Variants in FTCD observed in about 807,000 individuals in gnomAD.
FTCD encodes the protein formimidoyltransferase cyclodeaminase.
In FTCD, 76 loss-of-function variants were observed where a neutral mutation model predicts 62.9. That is an observed-to-expected ratio of 1.21 (90% CI 1.00 to 1.46). The LOEUF is 1.46. Among genes scored for constraint, FTCD ranks in the 40% most tolerant of loss-of-function variants. The pLI, the probability that FTCD is intolerant of heterozygous loss-of-function variation, is 0.00. For synonymous variants in FTCD, 397 were observed against 336.9 expected (o/e 1.18, Z -1.95); for missense variants, 845 against 751.3 (o/e 1.12, Z -1.46).
At position 46,145,807 on chromosome 21, in the gene FTCD, C is replaced by G. The variant is rs2079132036; in HGVS notation, c.1098+11G>C. On this transcript the variant is annotated intron_variant, in intron 9 of 13. Coordinates refer to ENST00000397746, the MANE Select transcript of FTCD (RefSeq NM_206965.2). The stretch of plus-strand genomic sequence containing the variant: ...CAACTGCGCCTCCCCTGCCCCTCCC[C>G]CCGCGCTCACCATGGCCGCAGCGGC... 1.3e-6 allele frequency: 1 copy of G among 756,226 alleles called. No homozygotes were observed. 46.8% of individuals were successfully genotyped at this position (756,226 alleles called of 1,614,324 possible). A position where few individuals can be genotyped will look rare whatever the true frequency, so the allele number is the denominator to read the frequency against.
chr21:46,152,332 G>A (rs2079310136), intron 3 of FTCD: 1 of 263,744 alleles, frequency 3.8e-6, no homozygotes, highest in Admixed American at 4.9e-5. Flanking sequence ...GCAGAGAAGA[G>A]GAAAAACTCG....
chr21:46,152,723 CG>C lies in FTCD; in HGVS notation c.367+183del. 3 of 570,840 alleles carry C rather than the reference CG, an allele frequency of 5.3e-6. 1 individual carries two copies. In the South Asian group the frequency reaches 7.8e-5, roughly 15 times the overall value. 35.4% of individuals were successfully genotyped at this position (570,840 alleles called of 1,614,324 possible). A position where few individuals can be genotyped will look rare whatever the true frequency, so the allele number is the denominator to read the frequency against. The stretch of plus-strand genomic sequence containing the variant: ...AGTCTGAGGAGGCCCCGGGCCTGCA[CG>C]GCCGCAGGCGAGGCTGCGTTTATTT... On this transcript the variant is annotated intron_variant, in intron 3 of 13. Transcript: ENST00000397746.
In FTCD at chr21:46,151,813, G is replaced by A. The variant is rs2079286023; in HGVS notation, c.457-76C>T. The A allele has an allele frequency of 3.7e-5, 59 of 1,575,998 alleles. No homozygotes were observed. The South Asian group carries it at 6.5e-4, about 17-fold the overall frequency. ...CCCCCCGGGGTCCCGGGAAGGAGGGGCCCGGCCCAGCCACCCCAGCCAGGA... is the reference window on the plus strand; with the variant it reads ...CCCCCCGGGGTCCCGGGAAGGAGGGACCCGGCCCAGCCACCCCAGCCAGGA... On this transcript the variant is annotated intron_variant, in intron 4 of 13. Coordinates refer to ENST00000397746, the MANE Select transcript of FTCD (RefSeq NM_206965.2).
chr21:46,143,425 A>G (rs1446611701), intron 10 of FTCD, among the ~76,000 whole-genome samples: 1 of 149,672 alleles, frequency 6.7e-6, no homozygotes, highest in African/African-American at 2.4e-5. Flanking sequence ...CAAGAGACCG[A>G]GGGCACGAGC....
intron 7 of FTCD, 87 bp from the exon 8 acceptor site, chr21:46,146,414 C>T (rs936924739): frequency 1.3e-4 from 118 of 892,696 alleles, no homozygotes; most frequent in Admixed American, 2.8e-4. Flanking sequence ...ACCCTTGCGG[C>T]AGCCGCCCCC....
intron 7 of FTCD, 39 bp from the exon 8 acceptor site, chr21:46,146,366 T>A (rs778890059): frequency 1.4e-6 from 2 of 1,426,052 alleles, no homozygotes; most frequent in Non-Finnish European, 1.9e-6. Flanking sequence ...CCTCGGCGCG[T>A]CTCCACCACC....
At chr21:46,143,777 T>A (rs2123512478) in intron 10 of FTCD, among the ~76,000 whole-genome samples, 4 of 152,254 alleles carry the variant, frequency 2.6e-5, no homozygotes, top group Admixed American at 2.6e-4. Flanking sequence ...AAGAAAAGCA[T>A]CCGCTACTTA....
At chr21:46,145,183 G>A (rs1230608935) in intron 10 of FTCD, among the ~76,000 whole-genome samples, 1 of 152,224 alleles carries the variant, frequency 6.6e-6, no homozygotes, top group East Asian at 1.9e-4. Flanking sequence ...GCCATGGCCT[G>A]TGAATGTGGG....
At chr21:46,153,218 G>A (rs955094054) in intron 2 of FTCD, among the ~76,000 whole-genome samples, 183 bp from the exon 3 acceptor site, 14 of 152,194 alleles carry the variant, frequency 9.2e-5, no homozygotes, top group African/African-American at 9.7e-5. Flanking sequence ...CTGCCCCAGC[G>A]GCAGCACCAG....
At chr21:46,139,189 A>G (rs1258386765) in intron 10 of FTCD, 2 of 551,484 alleles carry the variant, frequency 3.6e-6, no homozygotes, top group Non-Finnish European at 6.5e-6. Flanking sequence ...CCTTATTCTC[A>G]GCTAAAGAGC....
At position 46,150,381 on chromosome 21, in the gene FTCD, G is replaced by C. The variant is rs770406729; in HGVS notation, c.774+7C>G. On this transcript the variant is annotated splice_region_variant and intron_variant, in intron 6 of 13. Transcript: ENST00000397746. The stretch of plus-strand genomic sequence containing the variant: ...CTCACAGCAGCAGCGGCTGCTCCCG[G>C]GCTCACCTGTGCTTCTCGGCAGGTC... 4.3e-6 allele frequency: 7 copies of C among 1,612,632 alleles called. No individual in the cohort carries two copies. The highest frequency in any genetic ancestry group is 5.1e-6 in the Non-Finnish European group (6 of 1,179,950).
chr21:46,145,975 C>A (rs2079138371), intron 8 of FTCD, 28 bp from the exon 9 acceptor site: 2 of 1,384,220 alleles, frequency 1.4e-6, no homozygotes, highest in South Asian at 1.4e-5. Flanking sequence ...CTCAGCGGGT[C>A]TGGCCGGGGT....
intron 7 of FTCD, among the ~76,000 whole-genome samples, chr21:46,149,650 G>T (rs974826392): frequency 6.6e-6 from 1 of 152,206 alleles, no homozygotes; most frequent in Non-Finnish European, 1.5e-5. Context: ...AGGACCTGAG[G>T]CCCCGGTGGA....
intron 8 of FTCD, 143 bp from the exon 9 acceptor site, chr21:46,146,090 G>T: frequency 1.4e-6 from 1 of 713,232 alleles, no homozygotes; most frequent in South Asian, 1.8e-5. Flanking sequence ...ACCCGGCCGG[G>T]GTCTCTGTGC....
In FTCD at chr21:46,146,451, G is replaced by A. The variant is rs770045334; in HGVS notation, c.907-124C>T. 246 of 730,748 alleles carry A rather than the reference G, an allele frequency of 3.4e-4. 1 individual carries two copies. The highest frequency in any genetic ancestry group is 5.2e-4 in the Non-Finnish European group (210 of 407,442). 45.3% of individuals were successfully genotyped at this position (730,748 alleles called of 1,614,324 possible). ...GCCCCGAGCACACAGGTGCTTTTGC[G>A]GGGAGCAGGGCAGGGGCGTGGCTGG... On this transcript the variant is annotated intron_variant, in intron 7 of 13. Transcript: ENST00000397746.
chr21:46,148,175 A>G (rs1368148888), intron 7 of FTCD, among the ~76,000 whole-genome samples: 1 of 152,198 alleles, frequency 6.6e-6, no homozygotes, highest in Non-Finnish European at 1.5e-5. Context: ...TATTAATTGC[A>G]AAAGGAAAAA....
Position 46,153,047 on chromosome 21 carries a change from C to T in FTCD, c.239-12G>A, listed in dbSNP as rs777100964. On this transcript the variant is annotated splice_polypyrimidine_tract_variant and intron_variant, in intron 2 of 13. Coordinates refer to ENST00000397746, the MANE Select transcript of FTCD (RefSeq NM_206965.2). ...GCGGGGGTGCTCTCCTGCAGAGAGA[C>T]GGCGAGGCCGGGCAGGAGGCCAGGT... 2.5e-5 allele frequency: 38 copies of T among 1,544,670 alleles called. No individual in the cohort carries two copies. The highest frequency in any genetic ancestry group is 9.5e-5 in the South Asian group (8 of 83,860).
chr21:46,137,466 C>T lies in FTCD; in HGVS notation c.1444-132G>A, dbSNP rs148953857. The stretch of plus-strand genomic sequence containing the variant: ...CTCACAAGGAGCCCAGCGCAGCCCC[C>T]GCTTTCGCCCCACAGAGGGCTAAGC... On this transcript the variant is annotated intron_variant, in intron 12 of 13. Coordinates refer to ENST00000397746, the MANE Select transcript of FTCD (RefSeq NM_206965.2). 2.3e-3 allele frequency: 1,758 copies of T among 751,216 alleles called. 19 individuals are homozygous for T. In the African/African-American group the frequency reaches 0.024, roughly 10 times the overall value. The allele number at this position is 751,216 out of a possible 1,614,324, so 46.5% of individuals were successfully genotyped here.
chr21:46,151,376 C>A (rs981112198), intron 5 of FTCD, among the ~76,000 whole-genome samples, 182 bp downstream of exon 5: 1 of 152,252 alleles, frequency 6.6e-6, no homozygotes, highest in Non-Finnish European at 1.5e-5. Flanking sequence ...CGCCCCTGAC[C>A]TGCCGACCTG....
Sources: gnomAD v4.1 joint callset for allele counts (sites outside exome capture counted in the v4.1 genomes callset) on GRCh38, gnomAD v4.1.1 for gene constraint, MANE v1.5 for transcripts, NCBI Gene and HGNC (gene_info 2026-07-23, HGNC 2026-07-21) for gene names.